The following LDLRAD3 variants were observed in gnomAD, a reference collection of about 807,000 sequenced individuals.
LDLRAD3 encodes the protein low-density lipoprotein receptor class A domain-containing protein 3.
A neutral mutation model predicts 29.4 loss-of-function variants in LDLRAD3; 20 were observed. The ratio of observed to expected loss-of-function variants is 0.68; its 90% CI spans 0.48 to 0.99. The LOEUF is 0.99. Ranked by LOEUF, LDLRAD3 falls within the 50% of genes least tolerant of loss-of-function variation. LDLRAD3 has a pLI of 0.00. For synonymous variants in LDLRAD3, 157 were observed against 192.7 expected, an observed-to-expected ratio of 0.81 and a Z score of 1.53; for missense variants, 420 against 454.3, an observed-to-expected ratio of 0.92 and a Z score of 0.69.
At chr11:36,077,914 T>C (rs1335038497) in intron 2 of LDLRAD3, among the ~76,000 whole-genome samples, 2 of 152,184 alleles carry the variant, frequency 1.3e-5, no homozygotes, top group East Asian at 3.8e-4. Context: ...GTTCTTGTCC[T>C]GCATCCGGGA....
At chr11:35,969,668 T>A (rs1314614361) in intron 1 of LDLRAD3, among the ~76,000 whole-genome samples, 4 of 152,204 alleles carry the variant, frequency 2.6e-5, no homozygotes, top group Non-Finnish European at 5.9e-5. Flanking sequence ...CCGTGTTGCC[T>A]TGTTTCTGGA....
intron 1 of LDLRAD3, among the ~76,000 whole-genome samples, chr11:36,020,923 A>C (rs1248941455): frequency 6.6e-6 from 1 of 152,214 alleles, no homozygotes; most frequent in African/African-American, 2.4e-5. Flanking sequence ...CATTAGTGCC[A>C]AAGAGGTAAG....
intron 4 of LDLRAD3, among the ~76,000 whole-genome samples, chr11:36,191,565 T>TCA (rs1854945501): frequency 1.3e-5 from 1 of 77,170 alleles, no homozygotes. Flanking sequence ...TCTCTCTCTC[T>TCA]CTCTCTCTCT....
chr11:36,105,238 T>A (rs6484813), intron 4 of LDLRAD3, among the ~76,000 whole-genome samples: 33,977 of 127,236 alleles, frequency 0.27, 4,236 homozygotes, highest in Admixed American at 0.34. Context: ...TGTGTGTGTG[T>A]GAGAGAGAGA....
intron 4 of LDLRAD3, among the ~76,000 whole-genome samples, chr11:36,147,874 A>G (rs1854221462): frequency 6.6e-6 from 1 of 151,276 alleles, no homozygotes. Context: ...TTTTATTTTT[A>G]TTTTTATTTC....
chr11:36,166,683 A>T (rs1302159078), intron 4 of LDLRAD3, among the ~76,000 whole-genome samples: 1 of 152,192 alleles, frequency 6.6e-6, no homozygotes, highest in Non-Finnish European at 1.5e-5. Context: ...CTAGACTTCA[A>T]GCCTTTTATT....
At chr11:36,110,246 A>G (rs1317102684) in intron 4 of LDLRAD3, among the ~76,000 whole-genome samples, 1 of 152,228 alleles carries the variant, frequency 6.6e-6, no homozygotes, top group African/African-American at 2.4e-5. Context: ...TTGCTTCCTG[A>G]TAACTTTGTT....
At chr11:36,114,797 C>G (rs1207214688) in intron 4 of LDLRAD3, among the ~76,000 whole-genome samples, 1 of 152,188 alleles carries the variant, frequency 6.6e-6, no homozygotes, top group African/African-American at 2.4e-5. Context: ...CCAATACATT[C>G]CCTTTCCCCT....
intron 4 of LDLRAD3, among the ~76,000 whole-genome samples, chr11:36,176,571 G>A (rs1854678763): frequency 6.6e-6 from 1 of 151,870 alleles, no homozygotes; most frequent in Non-Finnish European, 1.5e-5. Flanking sequence ...CTTCATTTAT[G>A]GAGCTTAGTT....
At chr11:36,098,243 C>T in intron 3 of LDLRAD3, 84 bp from the exon 4 acceptor site, 1 of 1,521,496 alleles carries the variant, frequency 6.6e-7, no homozygotes, top group Non-Finnish European at 9.0e-7. Flanking sequence ...CTGAGCGGGA[C>T]ACACGCCAGG....
At chr11:36,156,574 G>A (rs1854354791) in intron 4 of LDLRAD3, among the ~76,000 whole-genome samples, 1 of 152,192 alleles carries the variant, frequency 6.6e-6, no homozygotes. Context: ...GGTTTTGTTT[G>A]TTTACCCACA....
intron 1 of LDLRAD3, among the ~76,000 whole-genome samples, chr11:36,004,608 C>T (rs144505059): frequency 6.6e-4 from 101 of 152,316 alleles, no homozygotes; most frequent in Middle Eastern, 3.4e-3. Flanking sequence ...TGGTGACCCC[C>T]TTCTCACAGC....
At chr11:35,963,988 C>G (rs1363993893) in intron 1 of LDLRAD3, among the ~76,000 whole-genome samples, 1 of 152,172 alleles carries the variant, frequency 6.6e-6, no homozygotes, top group Non-Finnish European at 1.5e-5. Flanking sequence ...GTCCCCATTT[C>G]TTCCGGCCAT....
chr11:36,221,134 G>A (rs1290655448), intron 4 of LDLRAD3, among the ~76,000 whole-genome samples: 3 of 152,040 alleles, frequency 2.0e-5, no homozygotes, highest in Non-Finnish European at 4.4e-5. Context: ...GATCACTTGA[G>A]GTCAGGAGTT....
At chr11:36,228,967 C>G (rs1216737416) in intron 5 of LDLRAD3, among the ~76,000 whole-genome samples, 193 bp from the exon 6 acceptor site, 1 of 152,230 alleles carries the variant, frequency 6.6e-6, no homozygotes, top group Non-Finnish European at 1.5e-5. Context: ...CCAGCCAGAA[C>G]ACACTGGCCT....
intron 1 of LDLRAD3, chr11:36,010,291 C>T (rs1025176437): frequency 6.5e-6 from 1 of 154,408 alleles, no homozygotes; most frequent in African/African-American, 2.4e-5. Flanking sequence ...TGAGTTGTCT[C>T]TGCCTTCAGC....
intron 3 of LDLRAD3, among the ~76,000 whole-genome samples, chr11:36,082,310 A>G (rs1389875767): frequency 6.6e-6 from 1 of 152,156 alleles, no homozygotes; most frequent in Non-Finnish European, 1.5e-5. Context: ...GGAGTTCAAG[A>G]CCAGCCTAGG....
At chr11:35,974,523 C>T (rs914149935) in intron 1 of LDLRAD3, among the ~76,000 whole-genome samples, 1 of 152,220 alleles carries the variant, frequency 6.6e-6, no homozygotes, top group Non-Finnish European at 1.5e-5. Flanking sequence ...ATCAAAGTGT[C>T]AGCTGAAGCT....
Position 35,993,109 on chromosome 11 carries a change from A to G in LDLRAD3, c.47-42994A>G, listed in dbSNP as rs1310769392. Among the ~76,000 whole-genome samples, 4 of 152,202 alleles carry G rather than the reference A, an allele frequency of 2.6e-5. No individual in the cohort carries two copies. In the East Asian group the frequency reaches 7.7e-4, roughly 29 times the overall value. On this transcript the variant is annotated intron_variant, in intron 1 of 5. Coordinates refer to ENST00000315571, the MANE Select transcript of LDLRAD3 (RefSeq NM_174902.4). ...GTGCTTAAGAAGTGAGTACAGGGTT[A>G]CACAATTTATAAATGACTGAGTTGA...
Sources: gnomAD v4.1 joint callset for allele counts (sites outside exome capture counted in the v4.1 genomes callset) on GRCh38, gnomAD v4.1.1 for gene constraint, MANE v1.5 for transcripts, NCBI Gene and HGNC (gene_info 2026-07-23, HGNC 2026-07-21) for gene names.